ATP2B4: variants seen among roughly 807,000 people sequenced by gnomAD.
ATP2B4 encodes plasma membrane calcium-transporting ATPase 4.
A neutral mutation model predicts 110.3 loss-of-function variants in ATP2B4; 39 were observed. The ratio of observed to expected loss-of-function variants is 0.35; its 90% CI spans 0.27 to 0.46. ATP2B4 has a LOEUF of 0.46. Ranked by LOEUF, ATP2B4 falls within the 20% of genes least tolerant of loss-of-function variation. The probability of loss-of-function intolerance (pLI) is 1.00; values close to 1 mark genes in which losing one functional copy is unlikely to be tolerated. For missense variants in ATP2B4, 1,135 were observed against 1,530.9 expected, an observed-to-expected ratio of 0.74 and a Z score of 4.32; for synonymous variants, 538 against 571.7, an observed-to-expected ratio of 0.94 and a Z score of 0.84.
At position 203,713,386 on chromosome 1, in the gene ATP2B4, A is replaced by G. The variant is rs74352293; in HGVS notation, c.2299+134A>G. The G allele has an allele frequency of 4.5e-3, 3,653 of 813,200 alleles. 100 individuals carry two copies. The African/African-American group carries it at 0.056, about 13-fold the overall frequency. The allele number at this position is 813,200 out of a possible 1,614,324, so 50.4% of individuals were successfully genotyped here. On this transcript the variant is annotated intron_variant, in intron 14 of 20. Transcript: ENST00000357681. ...TAGGAGAGCTCCCAGGCTAGTGGGG[A>G]GAACATACAGTTAGCAAACATCTGA...
At chr1:203,676,492 C>G (rs575960618) in intron 1 of ATP2B4, among the ~76,000 whole-genome samples, 5 of 152,150 alleles carry the variant, frequency 3.3e-5, no homozygotes, top group Non-Finnish European at 7.4e-5. Context: ...TTAGGCTAGG[C>G]AGCCTACCAT....
At chr1:203,677,529 C>G (rs1664864377) in intron 1 of ATP2B4, among the ~76,000 whole-genome samples, 1 of 152,214 alleles carries the variant, frequency 6.6e-6, no homozygotes, top group Non-Finnish European at 1.5e-5. Flanking sequence ...GTGGCACGAT[C>G]TTGGCTCACT....
At chr1:203,653,160 G>C (rs1032863176) in intron 1 of ATP2B4, among the ~76,000 whole-genome samples, 1 of 152,240 alleles carries the variant, frequency 6.6e-6, no homozygotes, top group African/African-American at 2.4e-5. Context: ...GGAAGTTCAA[G>C]TGGTCTGATT....
intron 20 of ATP2B4, chr1:203,729,600 G>T: frequency 1.7e-6 from 1 of 595,782 alleles, no homozygotes; most frequent in Non-Finnish European, 3.1e-6. Context: ...CTATGCACCT[G>T]ACTGTACTTC....
Position 203,707,075 on chromosome 1 carries a change from T to C in ATP2B4, c.1166T>C (p.Ile389Thr), listed in dbSNP as rs1232370192. The C allele has an allele frequency of 6.2e-7, 1 of 1,614,018 alleles. No individual in the cohort carries two copies. The highest frequency in any genetic ancestry group is 2.2e-5 in the East Asian group (1 of 44,878). Residue 389 changes from isoleucine (I) to threonine (T), a missense_variant, in exon 9 of 21, where the codon ATA becomes ACA. Physicochemically the swap from Ile to Thr is moderately conservative, Grantham distance 89. Coordinates refer to ENST00000357681, the MANE Select transcript of ATP2B4 (RefSeq NM_001684.5). ...ILYFVIDNFV[I>T]NRRPWLPECT... ...TACTTTGTGATTGACAACTTTGTGATAAATCGCAGACCATGGCTCCCTGAG... is the reference window on the plus strand; with the variant it reads ...TACTTTGTGATTGACAACTTTGTGACAAATCGCAGACCATGGCTCCCTGAG...
intron 1 of ATP2B4, among the ~76,000 whole-genome samples, chr1:203,671,342 TA>T (rs940186629): frequency 6.6e-6 from 1 of 152,052 alleles, no homozygotes; most frequent in African/African-American, 2.4e-5. Flanking sequence ...TTTGTTTAGA[TA>T]AAAAAAATAA....
intron 9 of ATP2B4, 51 bp downstream of exon 9, chr1:203,707,274 AG>A: frequency 6.5e-7 from 1 of 1,534,418 alleles, no homozygotes. Context: ...ATGGGAGAGA[AG>A]GGTACCATGT....
chr1:203,664,085 A>G (rs1055175473), intron 1 of ATP2B4, among the ~76,000 whole-genome samples: 3 of 152,332 alleles, frequency 2.0e-5, no homozygotes, highest in Admixed American at 1.3e-4. Context: ...TGTTGCAAAG[A>G]TCAAATGTCA....
At chr1:203,684,402 C>T (rs1665115662) in intron 2 of ATP2B4, among the ~76,000 whole-genome samples, 1 of 148,736 alleles carries the variant, frequency 6.7e-6, no homozygotes, top group Non-Finnish European at 1.5e-5. Flanking sequence ...GTCACCCAGG[C>T]TGGAGTGCAG....
intron 8 of ATP2B4, among the ~76,000 whole-genome samples, chr1:203,705,025 C>T (rs1665810517): frequency 1.3e-5 from 2 of 152,158 alleles, no homozygotes; most frequent in Admixed American, 1.3e-4. Context: ...CTATGCTGCC[C>T]ACCATAGCAG....
At chr1:203,666,140 A>G (rs1664495480) in intron 1 of ATP2B4, among the ~76,000 whole-genome samples, 1 of 152,206 alleles carries the variant, frequency 6.6e-6, no homozygotes, top group African/African-American at 2.4e-5. Flanking sequence ...TGGGTAGAGC[A>G]GAGCGGTGAG....
In ATP2B4 at chr1:203,711,114, AGGG is replaced by A. The variant is rs1358822873; in HGVS notation, c.2031+7_2031+9del. ...AGGACCCTGTGCGCCCAGAGGTGAG[AGGG>A]TGGGAAGCCACCCAGGAGTCTCAGG... On this transcript the variant is annotated splice_region_variant and intron_variant, in intron 12 of 20. Coordinates refer to ENST00000357681, the MANE Select transcript of ATP2B4 (RefSeq NM_001684.5). The A allele has an allele frequency of 5.6e-6, 9 of 1,613,710 alleles. No homozygotes were observed. The highest frequency in any genetic ancestry group is 1.3e-5 in the African/African-American group (1 of 74,882).
At chr1:203,732,309 C>T (rs1571778490) in intron 20 of ATP2B4, among the ~76,000 whole-genome samples, 1 of 152,160 alleles carries the variant, frequency 6.6e-6, no homozygotes, top group African/African-American at 2.4e-5. Flanking sequence ...CCTCTTCCTC[C>T]CCCTCCCTCA....
At chr1:203,682,656 C>T (rs181586123) in intron 1 of ATP2B4, 86 bp from the exon 2 acceptor site, 7 of 152,762 alleles carry the variant, frequency 4.6e-5, no homozygotes, top group Admixed American at 3.3e-4. Flanking sequence ...TGTGCTTAGA[C>T]TGGGTACCTC....
At chr1:203,666,778 A>G (rs1474810112) in intron 1 of ATP2B4, among the ~76,000 whole-genome samples, 1 of 152,114 alleles carries the variant, frequency 6.6e-6, no homozygotes, top group Non-Finnish European at 1.5e-5. Context: ...TCTTGAAACT[A>G]TTCCCTTAGG....
intron 12 of ATP2B4, 142 bp from the exon 13 acceptor site, chr1:203,711,818 A>G (rs1035910690): frequency 3.3e-6 from 3 of 907,870 alleles, no homozygotes; most frequent in Admixed American, 4.9e-5. Flanking sequence ...CAGTATCAAA[A>G]TGACCAGACC....
rs1666457069 is a variant in ATP2B4, at chr1:203,724,865, CTGT to C, written c.3132+879_3132+881del. Among the ~76,000 whole-genome samples the C allele has an allele frequency of 5.9e-5, 6 of 101,496 alleles. 1 individual carries two copies. Among genetic ancestry groups the C allele is most frequent in the Admixed American group, 2.5e-4 (2 of 8,104 alleles). 66.6% of individuals were successfully genotyped at this position (101,496 alleles called of 152,430 possible). Reference sequence around the variant, plus strand: ...ACTGCCTGGGTTTGAATCCAGCTCTCTGTTTTTTTTTTTTTTTTTTTTTTTTTC... The same window carrying C: ...ACTGCCTGGGTTTGAATCCAGCTCTCTTTTTTTTTTTTTTTTTTTTTTTTC... On this transcript the variant is annotated intron_variant, in intron 19 of 20. Coordinates refer to ENST00000357681, the MANE Select transcript of ATP2B4 (RefSeq NM_001684.5).
chr1:203,635,100 G>T (rs1052230020), intron 1 of ATP2B4, among the ~76,000 whole-genome samples: 7 of 152,008 alleles, frequency 4.6e-5, no homozygotes, highest in African/African-American at 1.7e-4. Flanking sequence ...TCAGCCTCCT[G>T]AGTAGCTGGG....
intron 15 of ATP2B4, among the ~76,000 whole-genome samples, chr1:203,719,823 C>T (rs1167883219): frequency 6.6e-6 from 1 of 152,098 alleles, no homozygotes. Context: ...TTCTACCTTT[C>T]TTTCTTCACT....
Sources: gnomAD v4.1 joint callset for allele counts (sites outside exome capture counted in the v4.1 genomes callset) on GRCh38, gnomAD v4.1.1 for gene constraint, MANE v1.5 for transcripts, NCBI Gene and HGNC (gene_info 2026-07-23, HGNC 2026-07-21) for gene names.